SH3BGRL2: variants seen among roughly 807,000 people sequenced by gnomAD.
SH3BGRL2 encodes SH3 domain binding glutamate rich protein like 2, also known as SH3 domain-binding glutamic acid-rich-like protein 2.
A neutral mutation model predicts 14.8 loss-of-function variants in SH3BGRL2; 21 were observed. That is an observed-to-expected ratio of 1.42 (90% CI 1.01 to 2.05). SH3BGRL2 has a LOEUF of 2.05. SH3BGRL2 is among the 30% of genes most tolerant of loss of function. The pLI is 0.00. For synonymous variants in SH3BGRL2, 50 were observed against 47.8 expected, an observed-to-expected ratio of 1.05 and a Z score of -0.19; for missense variants, 147 against 130.8, an observed-to-expected ratio of 1.12 and a Z score of -0.61.
At chr6:79,637,899 C>T (rs1768957803) in intron 1 of SH3BGRL2, among the ~76,000 whole-genome samples, 1 of 105,124 alleles carries the variant, frequency 9.5e-6, no homozygotes, top group Admixed American at 9.5e-5. Flanking sequence ...GCTTTAAATT[C>T]TGGAATATAC....
At chr6:79,581,803 A>G in the SH3BGRL2 span, among the ~76,000 whole-genome samples, 2 of 152,194 alleles carry the variant, frequency 1.3e-5, no homozygotes, top group Admixed American at 6.5e-5. Context: ...GGCAAGAGAA[A>G]GAAATAAAGG....
At chr6:79,662,444 T>A (rs1414389582) in intron 1 of SH3BGRL2, among the ~76,000 whole-genome samples, 1 of 152,176 alleles carries the variant, frequency 6.6e-6, no homozygotes, top group Non-Finnish European at 1.5e-5. Flanking sequence ...GGTTGAAAAT[T>A]CTTTTGTTTA....
chr6:79,578,723 A>G, the SH3BGRL2 span, among the ~76,000 whole-genome samples: 1 of 152,182 alleles, frequency 6.6e-6, no homozygotes, highest in Admixed American at 6.5e-5. Flanking sequence ...GAAAATTCTA[A>G]AAATCAGAGT....
chr6:79,554,065 A>G, the SH3BGRL2 span, among the ~76,000 whole-genome samples: 2 of 152,120 alleles, frequency 1.3e-5, no homozygotes, highest in Non-Finnish European at 2.9e-5. Context: ...AGTATTATTC[A>G]TAAGCTATCA....
chr6:79,590,505 C>T, the SH3BGRL2 span, among the ~76,000 whole-genome samples: 6 of 136,006 alleles, frequency 4.4e-5, no homozygotes, highest in Non-Finnish European at 7.7e-5. Context: ...AGAACAGAAT[C>T]ATGTCCTTTG....
At chr6:79,657,127 C>T (rs763428683) in intron 1 of SH3BGRL2, among the ~76,000 whole-genome samples, 1 of 151,566 alleles carries the variant, frequency 6.6e-6, no homozygotes, top group Non-Finnish European at 1.5e-5. Context: ...ACATGGGAAT[C>T]GCTGATGAGA....
the SH3BGRL2 span, among the ~76,000 whole-genome samples, chr6:79,613,018 A>T: frequency 6.6e-6 from 1 of 152,138 alleles, no homozygotes; most frequent in African/African-American, 2.4e-5. Flanking sequence ...TTGTGGAAGG[A>T]GGCTTTCCCC....
In SH3BGRL2 at chr6:79,641,158, G is replaced by T. The variant is rs966161672; in HGVS notation, c.45+9652G>T. Reference sequence around the variant, plus strand: ...GTGGTTCTCTCACCCTTTTGTGTGTGTGTGTGTGTGTGTGTGTGTGTGTGT... The same window carrying T: ...GTGGTTCTCTCACCCTTTTGTGTGTTTGTGTGTGTGTGTGTGTGTGTGTGT... On this transcript the variant is annotated intron_variant, in intron 1 of 3. Coordinates refer to ENST00000369838, the MANE Select transcript of SH3BGRL2 (RefSeq NM_031469.4). 9.3e-5 allele frequency among the ~76,000 whole-genome samples: 7 copies of T among 74,958 alleles called. No individual in the cohort carries two copies. The East Asian group carries it at 1.0e-3, about 11-fold the overall frequency. 49.2% of individuals were successfully genotyped at this position (74,958 alleles called of 152,430 possible). A position where few individuals can be genotyped will look rare whatever the true frequency, so the allele number is the denominator to read the frequency against.
chr6:79,663,515 C>T (rs947379127), intron 1 of SH3BGRL2, among the ~76,000 whole-genome samples: 10 of 152,188 alleles, frequency 6.6e-5, no homozygotes, highest in African/African-American at 2.4e-4. Flanking sequence ...GCAAATGTTA[C>T]TCCCTGATCC....
chr6:79,586,941 T>C, the SH3BGRL2 span, among the ~76,000 whole-genome samples: 3 of 152,222 alleles, frequency 2.0e-5, no homozygotes, highest in East Asian at 5.8e-4. Flanking sequence ...CTATAGAATG[T>C]TTCAGAAATG....
At chr6:79,621,828 A>C in the SH3BGRL2 span, among the ~76,000 whole-genome samples, 2 of 152,182 alleles carry the variant, frequency 1.3e-5, no homozygotes, top group Non-Finnish European at 2.9e-5. Context: ...AGATATAAGA[A>C]GTCTGCTGGA....
At chr6:79,558,470 G>A in the SH3BGRL2 span, among the ~76,000 whole-genome samples, 1 of 152,034 alleles carries the variant, frequency 6.6e-6, no homozygotes, top group Non-Finnish European at 1.5e-5. Context: ...TTGAAAGGAG[G>A]CAATGTATTT....
At chr6:79,588,696 C>T in the SH3BGRL2 span, among the ~76,000 whole-genome samples, 6 of 152,130 alleles carry the variant, frequency 3.9e-5, no homozygotes, top group Admixed American at 1.3e-4. Context: ...AGAACAAATG[C>T]TTTGCTTCCA....
chr6:79,558,731 G>A, the SH3BGRL2 span, among the ~76,000 whole-genome samples: 2 of 151,856 alleles, frequency 1.3e-5, no homozygotes, highest in African/African-American at 2.4e-5. Flanking sequence ...ATAGCTGGGC[G>A]AAGACATTCC....
chr6:79,681,240 G>A (rs935336394), intron 2 of SH3BGRL2, among the ~76,000 whole-genome samples: 1 of 152,070 alleles, frequency 6.6e-6, no homozygotes, highest in African/African-American at 2.4e-5. Context: ...AGAGACAGAT[G>A]GCAAACTGTT....
intron 2 of SH3BGRL2, among the ~76,000 whole-genome samples, chr6:79,676,692 G>A (rs1769891879): frequency 6.6e-6 from 1 of 151,834 alleles, no homozygotes; most frequent in Non-Finnish European, 1.5e-5. Flanking sequence ...GACTTACTGA[G>A]AGAAAGGAGG....
chr6:79,571,850 G>T, the SH3BGRL2 span, among the ~76,000 whole-genome samples: 6 of 152,034 alleles, frequency 3.9e-5, no homozygotes, highest in African/African-American at 1.4e-4. Context: ...TATTTTCTCA[G>T]CATTATGTTT....
chr6:79,684,111 G>T (rs975483382), intron 2 of SH3BGRL2, among the ~76,000 whole-genome samples: 2 of 152,084 alleles, frequency 1.3e-5, no homozygotes, highest in Non-Finnish European at 2.9e-5. Context: ...ATTTATTTAG[G>T]GCTAATGGCT....
the SH3BGRL2 span, among the ~76,000 whole-genome samples, chr6:79,553,580 A>G: frequency 6.6e-6 from 1 of 152,364 alleles, no homozygotes; most frequent in South Asian, 2.1e-4. Flanking sequence ...AACAGACACC[A>G]TCAGAACACC....
Sources: gnomAD v4.1 joint callset for allele counts (sites outside exome capture counted in the v4.1 genomes callset) on GRCh38, gnomAD v4.1.1 for gene constraint, MANE v1.5 for transcripts, NCBI Gene and HGNC (gene_info 2026-07-23, HGNC 2026-07-21) for gene names.